The following GRID2 variants were observed in gnomAD, a reference collection of about 807,000 sequenced individuals.
GRID2 encodes the protein glutamate ionotropic receptor delta type subunit 2, also known as glutamate receptor ionotropic, delta-2.
A neutral mutation model predicts 114.8 loss-of-function variants in GRID2; 33 were observed. That is an observed-to-expected ratio of 0.29 (90% CI 0.22 to 0.38). The LOEUF is 0.38. GRID2 is among the 10% of genes least tolerant of loss of function. The pLI is 1.00. For missense variants in GRID2, 1,184 were observed against 1,257.7 expected, an observed-to-expected ratio of 0.94 and a Z score of 0.89; for synonymous variants, 505 against 449.9, an observed-to-expected ratio of 1.12 and a Z score of -1.55.
chr4:93,770,780 A>C (rs907474301), intron 15 of GRID2, among the ~76,000 whole-genome samples: 2 of 152,228 alleles, frequency 1.3e-5, no homozygotes, highest in African/African-American at 4.8e-5. Context: ...CAAGCTCCTT[A>C]TATTTTGAAT....
rs1295466199 is a variant in GRID2, at chr4:93,772,458, T to A, written c.2984T>A (p.Leu995His). The part of the protein sequence containing the change: ...IPYQPTPTLG[L>H]NLGNDPDRGT... ...TATCAACCAACTCCTACCCTGGGGC[T>A]CAATCTGGGTAATGATCCAGACCGA... The change falls in exon 16 of 16, where the codon CTC (leucine) becomes CAC (histidine). Residue 995 changes from leucine (L) to histidine (H), a missense_variant. By Grantham distance (99) the Leu-to-His change is moderately conservative. This residue lies in a region of GRID2 where 717 missense variants were observed against 796.9 expected (regional missense o/e 0.90). Transcript: ENST00000282020. The A allele has an allele frequency of 6.2e-7, 1 of 1,609,784 alleles. No individual in the cohort carries two copies. The highest frequency in any genetic ancestry group is 1.7e-5 in the Admixed American group (1 of 59,758).
intron 1 of GRID2, among the ~76,000 whole-genome samples, chr4:92,566,381 C>T (rs375632052): frequency 1.0e-3 from 151 of 151,214 alleles, no homozygotes; most frequent in African/African-American, 3.3e-3. Flanking sequence ...TAAAGTTTGC[C>T]AACAACGAAA....
intron 2 of GRID2, among the ~76,000 whole-genome samples, chr4:92,632,897 A>G (rs1730880278): frequency 6.6e-6 from 1 of 152,132 alleles, no homozygotes; most frequent in Non-Finnish European, 1.5e-5. Context: ...TCATTATTTC[A>G]TTTCATATTT....
chr4:92,404,333 A>G (rs1730930642), intron 1 of GRID2, among the ~76,000 whole-genome samples: 2 of 152,202 alleles, frequency 1.3e-5, no homozygotes, highest in African/African-American at 4.8e-5. Context: ...AACCACAATG[A>G]GATAACACCT....
chr4:93,083,776 A>G (rs974582915), intron 2 of GRID2, among the ~76,000 whole-genome samples: 3 of 151,866 alleles, frequency 2.0e-5, no homozygotes, highest in Non-Finnish European at 2.9e-5. Context: ...TCATGAGGCA[A>G]TGCTTGAAAA....
At chr4:93,223,392 A>G (rs76535450) in intron 6 of GRID2, among the ~76,000 whole-genome samples, 2,612 of 152,298 alleles carry the variant, frequency 0.017, 76 homozygotes, top group African/African-American at 0.06. Flanking sequence ...GAAGATTTAC[A>G]TGGTATGTAA....
rs537039886 is a variant in GRID2, at chr4:93,769,559, G to A, written c.2601+109G>A. 53 of 944,048 alleles carry A rather than the reference G, an allele frequency of 5.6e-5. No homozygotes were observed. In the East Asian group the frequency reaches 6.1e-4, roughly 11 times the overall value. 58.5% of individuals were successfully genotyped at this position (944,048 alleles called of 1,614,324 possible). ...GGTTGGGGGTGGTCCTTGTTTTTTC[G>A]TTTCTTGAAGATTAAAAATAAAGTT... On this transcript the variant is annotated intron_variant, in intron 15 of 15. Coordinates refer to ENST00000282020, the MANE Select transcript of GRID2 (RefSeq NM_001510.4).
intron 2 of GRID2, among the ~76,000 whole-genome samples, chr4:92,764,325 C>A (rs1220385184): frequency 6.6e-6 from 1 of 152,084 alleles, no homozygotes; most frequent in Non-Finnish European, 1.5e-5. Context: ...AGGGAAGCAT[C>A]CCAAAATAGT....
chr4:92,487,908 C>G (rs954771377), intron 1 of GRID2, among the ~76,000 whole-genome samples: 1 of 152,148 alleles, frequency 6.6e-6, no homozygotes, highest in Admixed American at 6.5e-5. Context: ...TCTAAGAAAA[C>G]AATTTCATAT....
intron 1 of GRID2, among the ~76,000 whole-genome samples, chr4:93,792,028 A>G (rs1007394686): frequency 6.6e-6 from 1 of 152,206 alleles, no homozygotes; most frequent in East Asian, 1.9e-4. Flanking sequence ...GTGTACTTTC[A>G]AAAGGGTTGA....
At chr4:92,505,538 T>G (rs1723919842) in intron 1 of GRID2, among the ~76,000 whole-genome samples, 1 of 151,982 alleles carries the variant, frequency 6.6e-6, no homozygotes, top group Admixed American at 6.6e-5. Context: ...CACGGGTTAG[T>G]GTTGTAATAG....
At position 93,580,730 on chromosome 4, in the gene GRID2, T is replaced by C. The variant is rs375762268; in HGVS notation, c.2194-45539T>C. On this transcript the variant is annotated intron_variant, in intron 13 of 15. Transcript: ENST00000282020. ...GAGGAAAGTGGAAAGTGAGATCCTC[T>C]TCCCCAGTCCCTGGCAAAGAGCATT... Among the ~76,000 whole-genome samples, 385 of 152,120 alleles carry C rather than the reference T, an allele frequency of 2.5e-3. 3 individuals carry two copies. In the South Asian group the frequency reaches 0.026, roughly 10 times the overall value.
chr4:92,379,098 A>G (rs890752280), intron 1 of GRID2, among the ~76,000 whole-genome samples: 2 of 152,128 alleles, frequency 1.3e-5, no homozygotes, highest in South Asian at 2.1e-4. Flanking sequence ...TGGTACCAGA[A>G]TAACAAGGTA....
At chr4:92,749,310 C>CTTTTTTTTTT (rs68069370) in intron 2 of GRID2, among the ~76,000 whole-genome samples, 20 of 72,028 alleles carry the variant, frequency 2.8e-4, no homozygotes, top group African/African-American at 1.2e-3. Context: ...TGATTTGTAG[C>CTTTTTTTTTT]TTTTTTTTTT....
chr4:93,674,843 T>C (rs1724714007), intron 14 of GRID2, among the ~76,000 whole-genome samples: 2 of 152,144 alleles, frequency 1.3e-5, no homozygotes, highest in South Asian at 4.1e-4. Context: ...ATTAAGTATA[T>C]CTGCTATATA....
chr4:92,440,236 T>G (rs1438182019), intron 1 of GRID2, among the ~76,000 whole-genome samples: 1 of 145,988 alleles, frequency 6.8e-6, no homozygotes, highest in African/African-American at 2.4e-5. Context: ...GATATAAAGG[T>G]TTCACTGAAT....
intron 14 of GRID2, among the ~76,000 whole-genome samples, chr4:93,713,276 A>C (rs1728638662): frequency 6.6e-6 from 1 of 152,026 alleles, no homozygotes; most frequent in Non-Finnish European, 1.5e-5. Context: ...GAGTACCTTC[A>C]ATGTTTCCAG....
chr4:93,367,486 A>G (rs1334767206), intron 8 of GRID2, among the ~76,000 whole-genome samples: 1 of 152,202 alleles, frequency 6.6e-6, no homozygotes, highest in Non-Finnish European at 1.5e-5. Flanking sequence ...ATGAAACATT[A>G]TTGTGAAAAT....
chr4:93,322,308 G>C (rs892013395), intron 8 of GRID2, among the ~76,000 whole-genome samples: 1 of 151,972 alleles, frequency 6.6e-6, no homozygotes, highest in African/African-American at 2.4e-5. Flanking sequence ...TTGGTTTTCT[G>C]TCCTTGCAAT....
Sources: allele counts gnomAD v4.1 joint callset (sites outside exome capture counted in the v4.1 genomes callset), GRCh38; gene constraint gnomAD v4.1.1; regional missense constraint gnomAD v4.1.1; transcripts MANE v1.5; gene names NCBI Gene and HGNC (gene_info 2026-07-23, HGNC 2026-07-21).